DENND1A: variants seen among roughly 807,000 people sequenced by gnomAD.
DENND1A encodes DENN domain containing 1A, also known as DENN domain-containing protein 1A.
Under a neutral mutation model 113.7 loss-of-function variants are expected in DENND1A, and 51 were observed. The observed-to-expected ratio is 0.45, with a 90% CI of 0.36 to 0.57. The LOEUF (loss-of-function observed/expected upper bound fraction) is 0.57. Ranked by LOEUF, DENND1A falls within the 20% of genes least tolerant of loss-of-function variation. The probability of loss-of-function intolerance (pLI) is 0.00; values close to 1 mark genes in which losing one functional copy is unlikely to be tolerated. For missense variants in DENND1A, 1,258 were observed against 1,395.9 expected, an observed-to-expected ratio of 0.90 and a Z score of 1.57; for synonymous variants, 565 against 570.8, an observed-to-expected ratio of 0.99 and a Z score of 0.14.
intron 6 of DENND1A, 77 bp from the exon 7 acceptor site, chr9:123,671,448 C>G (rs1474885730): frequency 3.6e-6 from 5 of 1,392,948 alleles, no homozygotes; most frequent in Non-Finnish European, 5.0e-6. Context: ...GGTCTGGGCA[C>G]ACATGACTGA....
intron 12 of DENND1A, among the ~76,000 whole-genome samples, chr9:123,569,363 T>C (rs1406479082): frequency 1.3e-5 from 2 of 152,192 alleles, no homozygotes; most frequent in African/African-American, 2.4e-5. Context: ...AACTCTTTAC[T>C]GGTATGAAAG....
At chr9:123,617,205 T>TC in intron 10 of DENND1A, among the ~76,000 whole-genome samples, 2 of 152,206 alleles carry the variant, frequency 1.3e-5, no homozygotes, top group Non-Finnish European at 2.9e-5. Context: ...CTCTCCGATT[T>TC]ATGAGCAACA....
intron 2 of DENND1A, among the ~76,000 whole-genome samples, chr9:123,851,696 T>C (rs1261490137): frequency 6.6e-6 from 1 of 152,158 alleles, no homozygotes; most frequent in African/African-American, 2.4e-5. Flanking sequence ...GTATGAATAT[T>C]ATGTCAAGGA....
At chr9:123,709,464 T>C (rs2066444227) in intron 5 of DENND1A, among the ~76,000 whole-genome samples, 1 of 152,238 alleles carries the variant, frequency 6.6e-6, no homozygotes, top group Non-Finnish European at 1.5e-5. Flanking sequence ...GGCTTGGCAC[T>C]GATTCTGCTT....
At chr9:123,499,658 C>G (rs79085337) in intron 13 of DENND1A, among the ~76,000 whole-genome samples, 13,457 of 152,298 alleles carry the variant, frequency 0.088, 612 homozygotes, top group African/African-American at 0.1. Context: ...AATTTACCGC[C>G]AAACCCACAC....
chr9:123,743,270 G>A (rs1028350966), intron 5 of DENND1A, among the ~76,000 whole-genome samples: 4 of 151,992 alleles, frequency 2.6e-5, no homozygotes, highest in Admixed American at 6.5e-5. Context: ...ATATGGTGTC[G>A]TGCACCTGTA....
At chr9:123,585,082 C>T (rs2900217) in intron 11 of DENND1A, among the ~76,000 whole-genome samples, 1 of 151,616 alleles carries the variant, frequency 6.6e-6, no homozygotes, top group African/African-American at 2.4e-5. Flanking sequence ...ACAAGCCTCA[C>T]TAGGATTGAA....
At chr9:123,631,180 C>T (rs749581103) in intron 9 of DENND1A, among the ~76,000 whole-genome samples, 1 of 152,120 alleles carries the variant, frequency 6.6e-6, no homozygotes, top group Non-Finnish European at 1.5e-5. Flanking sequence ...GCTCTTTACA[C>T]CCCCGACCCC....
intron 21 of DENND1A, chr9:123,401,487 A>ACC (rs2043459326): frequency 8.3e-7 from 1 of 1,199,284 alleles, no homozygotes; most frequent in East Asian, 4.4e-5. Context: ...CCTGAAACGT[A>ACC]CCCCTCTGTC....
At chr9:123,777,838 TTTGA>T (rs1344917484) in intron 3 of DENND1A, among the ~76,000 whole-genome samples, 7 of 152,158 alleles carry the variant, frequency 4.6e-5, no homozygotes, top group Non-Finnish European at 1.0e-4. Flanking sequence ...CAAATCTGCT[TTTGA>T]GAGAGAATTA....
intron 2 of DENND1A, among the ~76,000 whole-genome samples, chr9:123,877,265 C>A (rs1474744801): frequency 6.6e-6 from 1 of 151,536 alleles, no homozygotes; most frequent in African/African-American, 2.4e-5. Context: ...CTGAGGCAGG[C>A]GGATAACGAG....
chr9:123,768,987 T>C (rs1487701137), intron 4 of DENND1A, among the ~76,000 whole-genome samples: 1 of 152,016 alleles, frequency 6.6e-6, no homozygotes, highest in Non-Finnish European at 1.5e-5. Context: ...TCAAAATCTA[T>C]AGAAAATTCT....
chr9:123,445,137 G>A (rs1167198802), intron 18 of DENND1A, among the ~76,000 whole-genome samples: 6 of 152,222 alleles, frequency 3.9e-5, no homozygotes, highest in Non-Finnish European at 7.3e-5. Flanking sequence ...AGGCAGGCAC[G>A]GCATACGGTA....
intron 1 of DENND1A, among the ~76,000 whole-genome samples, chr9:123,914,977 T>A (rs1401916384): frequency 6.6e-6 from 1 of 151,986 alleles, no homozygotes; most frequent in African/African-American, 2.4e-5. Context: ...GATTATAACA[T>A]CATCAGTTGC....
chr9:123,790,723 T>C (rs1832869931), intron 3 of DENND1A, among the ~76,000 whole-genome samples: 1 of 152,182 alleles, frequency 6.6e-6, no homozygotes, highest in African/African-American at 2.4e-5. Context: ...CTGAGCTCTG[T>C]ATACAATGAT....
intron 2 of DENND1A, among the ~76,000 whole-genome samples, chr9:123,850,664 C>T (rs1380259664): frequency 6.6e-6 from 1 of 152,158 alleles, no homozygotes; most frequent in African/African-American, 2.4e-5. Flanking sequence ...GGACAGATTA[C>T]ATAAGCTCGC....
At chr9:123,827,659 A>T (rs2132709794) in intron 2 of DENND1A, among the ~76,000 whole-genome samples, 1 of 152,296 alleles carries the variant, frequency 6.6e-6, no homozygotes, top group East Asian at 1.9e-4. Context: ...CAACAGGATG[A>T]AGAAGACAAA....
In DENND1A at chr9:123,639,039, TAAAAAAA is replaced by T. The variant is rs750972974; in HGVS notation, c.619-8570_619-8564del. The stretch of plus-strand genomic sequence containing the variant: ...TGAGTTACTAAATTTGCATGAGTAG[TAAAAAAA>T]AAAAAAAAAAAAAAAAAAAAGAAAG... On this transcript the variant is annotated intron_variant, in intron 9 of 23. Transcript: ENST00000394215. Among the ~76,000 whole-genome samples, 37 of 32,106 alleles carry T rather than the reference TAAAAAAA, an allele frequency of 1.2e-3. 1 individual carries two copies. Among genetic ancestry groups the T allele is most frequent in the South Asian group, 6.4e-3 (4 of 628 alleles). The allele number at this position is 32,106 out of a possible 152,430, so 21.1% of individuals were successfully genotyped here. A position where few individuals can be genotyped will look rare whatever the true frequency, so the allele number is the denominator to read the frequency against.
intron 13 of DENND1A, among the ~76,000 whole-genome samples, chr9:123,541,394 G>A (rs1365000264): frequency 2.0e-5 from 3 of 152,080 alleles, no homozygotes; most frequent in East Asian, 1.9e-4. Context: ...TAATCAACCC[G>A]GGATAAAAGT....
Sources: allele counts gnomAD v4.1 joint callset (sites outside exome capture counted in the v4.1 genomes callset), GRCh38; gene constraint gnomAD v4.1.1; transcripts MANE v1.5; gene names NCBI Gene and HGNC (gene_info 2026-07-23, HGNC 2026-07-21).